Variants in STX12 observed in about 807,000 individuals in gnomAD.
STX12 encodes the protein syntaxin-12.
A neutral mutation model predicts 42.2 loss-of-function variants in STX12; 17 were observed. The ratio of observed to expected loss-of-function variants is 0.40; its 90% CI spans 0.28 to 0.60. STX12 has a LOEUF of 0.60. STX12 is among the 20% of genes least tolerant of loss of function. The pLI is 0.39. For missense variants in STX12, 297 were observed against 330.9 expected (o/e 0.90, Z 0.79); for synonymous variants, 108 against 116.7 (o/e 0.93, Z 0.48).
intron 1 of STX12, among the ~76,000 whole-genome samples, chr1:27,782,660 A>G (rs1168218360): frequency 1.3e-5 from 2 of 152,072 alleles, no homozygotes; most frequent in Non-Finnish European, 2.9e-5. Context: ...TAACATGGTG[A>G]AACCCTGTTT....
chr1:27,792,128 CTATA>C (rs1230148208), intron 2 of STX12, among the ~76,000 whole-genome samples: 1 of 116,934 alleles, frequency 8.6e-6, no homozygotes, highest in Non-Finnish European at 1.6e-5. Context: ...TAATATATAT[CTATA>C]TATGTATATA....
At chr1:27,774,124 C>T (rs963576534) in intron 1 of STX12, 4 of 152,146 alleles carry the variant, frequency 2.6e-5, no homozygotes, top group African/African-American at 9.7e-5. Flanking sequence ...TTTTGTTTTC[C>T]TTCCCTACTT....
At chr1:27,800,290 C>A (rs185448513) in intron 3 of STX12, among the ~76,000 whole-genome samples, 1 of 152,138 alleles carries the variant, frequency 6.6e-6, no homozygotes, top group Non-Finnish European at 1.5e-5. Flanking sequence ...TCTCTTGAGG[C>A]CTTTCTTGGC....
At chr1:27,783,198 C>G (rs1035297486) in intron 1 of STX12, among the ~76,000 whole-genome samples, 4 of 152,116 alleles carry the variant, frequency 2.6e-5, no homozygotes, top group Non-Finnish European at 5.9e-5. Flanking sequence ...TAGAGTAGTT[C>G]CTAGTGTGGA....
At chr1:27,807,355 C>A (rs993491807) in intron 4 of STX12, among the ~76,000 whole-genome samples, 3 of 152,076 alleles carry the variant, frequency 2.0e-5, no homozygotes, top group African/African-American at 7.2e-5. Context: ...GCCACCAGTC[C>A]CCCACCATTG....
At chr1:27,798,015 GATGTGTAAAGT>G (rs2088798529) in intron 3 of STX12, among the ~76,000 whole-genome samples, 1 of 152,036 alleles carries the variant, frequency 6.6e-6, no homozygotes, top group Non-Finnish European at 1.5e-5. Flanking sequence ...TTGGTTTTCT[GATGTGTAAAGT>G]TGGGACTATA....
At chr1:27,777,549 T>C (rs958051319) in intron 1 of STX12, among the ~76,000 whole-genome samples, 1 of 152,182 alleles carries the variant, frequency 6.6e-6, no homozygotes, top group African/African-American at 2.4e-5. Context: ...CCCCTTGTAC[T>C]GTGTAGTACA....
chr1:27,822,107 A>G, intron 8 of STX12, 124 bp from the exon 9 acceptor site: 1 of 658,866 alleles, frequency 1.5e-6, no homozygotes, highest in Admixed American at 2.4e-5. Flanking sequence ...TCTGTGCATA[A>G]TTTTGCATGG....
chr1:27,774,862 TG>T (rs1274547008), intron 1 of STX12, among the ~76,000 whole-genome samples: 1 of 152,142 alleles, frequency 6.6e-6, no homozygotes, highest in African/African-American at 2.4e-5. Context: ...TTTGTAGGGA[TG>T]GGGTCTCACT....
At chr1:27,799,854 C>G (rs1391608130) in intron 3 of STX12, among the ~76,000 whole-genome samples, 1 of 152,234 alleles carries the variant, frequency 6.6e-6, no homozygotes, top group Non-Finnish European at 1.5e-5. Context: ...CTGGTTCAAG[C>G]AATTCTCCTG....
chr1:27,821,777 G>T (rs1255458832), intron 8 of STX12, among the ~76,000 whole-genome samples: 1 of 152,148 alleles, frequency 6.6e-6, no homozygotes, highest in Non-Finnish European at 1.5e-5. Context: ...AGCCCTTTGG[G>T]AAGCCGAGGC....
At chr1:27,783,368 TCTGTTGCCGAGG>T (rs1414943033) in intron 1 of STX12, among the ~76,000 whole-genome samples, 1 of 152,176 alleles carries the variant, frequency 6.6e-6, no homozygotes, top group Non-Finnish European at 1.5e-5. Context: ...GGAGTCGCGC[TCTGTTGCCGAGG>T]CTGGAGTGCA....
intron 2 of STX12, among the ~76,000 whole-genome samples, chr1:27,792,918 T>G (rs1290345072): frequency 6.6e-6 from 1 of 152,204 alleles, no homozygotes; most frequent in Non-Finnish European, 1.5e-5. Flanking sequence ...CCTTCCTCCC[T>G]ACTCCTTTTG....
chr1:27,773,535 G>A, intron 1 of STX12, 110 bp downstream of exon 1: 1 of 911,244 alleles, frequency 1.1e-6, no homozygotes, highest in East Asian at 2.6e-5. Context: ...CACACCTGGG[G>A]CTGTCTCGGG....
chr1:27,822,466 C>A lies in STX12; in HGVS notation c.*137C>A. On this transcript the variant is annotated 3_prime_UTR_variant, in exon 9 of 9. Coordinates refer to ENST00000373943, the MANE Select transcript of STX12 (RefSeq NM_177424.3). The stretch of plus-strand genomic sequence containing the variant: ...CATTTAGTTAGAAACTAACTACTAA[C>A]TAGTCTTTGGAATTCGTGACCTATG... The A allele has an allele frequency of 1.6e-6, 1 of 608,332 alleles. No individual in the cohort carries two copies. The highest frequency in any genetic ancestry group is 3.0e-6 in the Non-Finnish European group (1 of 335,048). The allele number at this position is 608,332 out of a possible 1,614,324, so 37.7% of individuals were successfully genotyped here. A position where few individuals can be genotyped will look rare whatever the true frequency, so the allele number is the denominator to read the frequency against.
At chr1:27,781,736 G>C (rs1417843725) in intron 1 of STX12, among the ~76,000 whole-genome samples, 1 of 152,172 alleles carries the variant, frequency 6.6e-6, no homozygotes, top group East Asian at 1.9e-4. Flanking sequence ...CAAGCAGAGA[G>C]ATCACTGTTA....
intron 3 of STX12, among the ~76,000 whole-genome samples, chr1:27,796,704 T>G (rs1055825779): frequency 3.9e-5 from 4 of 101,592 alleles, no homozygotes; most frequent in Admixed American, 1.0e-4. Flanking sequence ...TTGTAAAGAG[T>G]TTTTTTTTTT....
chr1:27,800,508 T>C (rs977359719), intron 3 of STX12, among the ~76,000 whole-genome samples: 11 of 151,102 alleles, frequency 7.3e-5, no homozygotes, highest in African/African-American at 2.4e-4. Context: ...TGTGTGTGTG[T>C]GTGTGTGTGT....
At chr1:27,805,173 G>A (rs1468028668) in intron 4 of STX12, among the ~76,000 whole-genome samples, 1 of 152,188 alleles carries the variant, frequency 6.6e-6, no homozygotes, top group Non-Finnish European at 1.5e-5. Flanking sequence ...GGGACACAGA[G>A]CCAAACCATA....
Sources: allele counts gnomAD v4.1 joint callset (sites outside exome capture counted in the v4.1 genomes callset), GRCh38; gene constraint gnomAD v4.1.1; transcripts MANE v1.5; gene names NCBI Gene and HGNC (gene_info 2026-07-23, HGNC 2026-07-21).